The following CNTN4 variants were observed in gnomAD, a reference collection of about 807,000 sequenced individuals.
The protein encoded by CNTN4 is contactin-4.
A neutral mutation model predicts 122.5 loss-of-function variants in CNTN4; 77 were observed. That is an observed-to-expected ratio of 0.63 (90% CI 0.52 to 0.76). The LOEUF is 0.76. CNTN4 is among the 30% of genes least tolerant of loss of function. The pLI, the probability that CNTN4 is intolerant of heterozygous loss-of-function variation, is 0.00. For missense variants in CNTN4, 1,256 were observed against 1,259.1 expected (o/e 1.00, Z 0.04); for synonymous variants, 512 against 447.0 (o/e 1.15, Z -1.83).
At chr3:2,683,563 T>A (rs1223974113) in intron 4 of CNTN4, among the ~76,000 whole-genome samples, 2 of 152,130 alleles carry the variant, frequency 1.3e-5, no homozygotes, top group Non-Finnish European at 2.9e-5. Context: ...ACACTTCGAA[T>A]GTTTTTCCAT....
At chr3:3,028,071 T>C (rs1225712447) in intron 15 of CNTN4, among the ~76,000 whole-genome samples, 6 of 152,160 alleles carry the variant, frequency 3.9e-5, no homozygotes, top group African/African-American at 7.2e-5. Context: ...GACTTGACAA[T>C]AGAAGAGATA....
intron 3 of CNTN4, among the ~76,000 whole-genome samples, chr3:2,430,450 A>G (rs915968612): frequency 2.0e-5 from 3 of 150,916 alleles, no homozygotes; most frequent in Admixed American, 6.6e-5. Flanking sequence ...AAGGAAATGC[A>G]GAAATCACCT....
intron 4 of CNTN4, among the ~76,000 whole-genome samples, chr3:2,679,336 G>C (rs1474031036): frequency 2.0e-5 from 3 of 152,086 alleles, no homozygotes; most frequent in Non-Finnish European, 4.4e-5. Context: ...ATATTGATTT[G>C]TGTCTGGTAT....
intron 4 of CNTN4, among the ~76,000 whole-genome samples, chr3:2,696,501 C>T (rs556297229): frequency 4.6e-5 from 7 of 152,294 alleles, no homozygotes; most frequent in African/African-American, 1.2e-4. Context: ...CCCCTTCAGA[C>T]GACACAGCCT....
intron 6 of CNTN4, among the ~76,000 whole-genome samples, chr3:2,791,698 C>T (rs73807949): frequency 0.032 from 4,928 of 152,220 alleles, 230 homozygotes; most frequent in African/African-American, 0.11. Context: ...GAAATGTGTT[C>T]TTTTACGGTT....
At chr3:2,528,902 G>A (rs2077495861) in intron 3 of CNTN4, among the ~76,000 whole-genome samples, 1 of 151,862 alleles carries the variant, frequency 6.6e-6, no homozygotes, top group African/African-American at 2.4e-5. Flanking sequence ...GATTAAGTTA[G>A]GTTAATGAGC....
intron 14 of CNTN4, among the ~76,000 whole-genome samples, chr3:3,019,815 T>C (rs1405773420): frequency 1.4e-5 from 2 of 147,396 alleles, no homozygotes; most frequent in East Asian, 2.0e-4. Context: ...CATATATATA[T>C]ACATATATAT....
chr3:2,328,675 C>A (rs1381843842), intron 2 of CNTN4, among the ~76,000 whole-genome samples: 2 of 147,332 alleles, frequency 1.4e-5, no homozygotes, highest in Admixed American at 6.8e-5. Context: ...AAAAAAAAAA[C>A]AATAAAAAAT....
At chr3:2,606,564 C>T (rs1342450484) in intron 4 of CNTN4, among the ~76,000 whole-genome samples, 1 of 152,142 alleles carries the variant, frequency 6.6e-6, no homozygotes, top group African/African-American at 2.4e-5. Context: ...GACAACGAAA[C>T]CATTTAGGAA....
chr3:2,815,122 A>G (rs911708607), intron 6 of CNTN4, among the ~76,000 whole-genome samples: 1 of 152,222 alleles, frequency 6.6e-6, no homozygotes, highest in Admixed American at 6.5e-5. Context: ...TAAGACCTGA[A>G]ACTATAAACA....
intron 6 of CNTN4, among the ~76,000 whole-genome samples, chr3:2,805,830 T>C (rs1049705650): frequency 6.6e-6 from 1 of 152,188 alleles, no homozygotes; most frequent in African/African-American, 2.4e-5. Context: ...GGAATGTTGA[T>C]TGGGTGATCA....
chr3:2,991,672 A>G (rs575471075), intron 14 of CNTN4, among the ~76,000 whole-genome samples: 4 of 152,218 alleles, frequency 2.6e-5, no homozygotes, highest in African/African-American at 9.6e-5. Context: ...GAGAAATATA[A>G]TTTAAAAATC....
At chr3:2,169,457 A>C (rs1275148645) in intron 2 of CNTN4, among the ~76,000 whole-genome samples, 1 of 152,154 alleles carries the variant, frequency 6.6e-6, no homozygotes, top group Admixed American at 6.5e-5. Context: ...CTCAGGCTGG[A>C]GTGCGGTGGC....
chr3:2,352,423 G>A (rs1194015806), intron 3 of CNTN4, among the ~76,000 whole-genome samples: 6 of 152,154 alleles, frequency 3.9e-5, no homozygotes, highest in Admixed American at 1.3e-4. Flanking sequence ...CCAGGGCTGC[G>A]CAGCGCTCGC....
intron 2 of CNTN4, among the ~76,000 whole-genome samples, chr3:2,248,728 G>A (rs1343823435): frequency 6.6e-6 from 1 of 151,982 alleles, no homozygotes; most frequent in African/African-American, 2.4e-5. Flanking sequence ...ACTGAAAATA[G>A]CCACTTAGTG....
intron 2 of CNTN4, among the ~76,000 whole-genome samples, chr3:2,169,640 A>T (rs2728522): frequency 3.3e-5 from 5 of 151,288 alleles, no homozygotes; most frequent in Non-Finnish European, 7.4e-5. Flanking sequence ...CTCGTGATCC[A>T]CCCGCCTCCG....
chr3:2,260,588 C>T (rs2040795422), intron 2 of CNTN4, among the ~76,000 whole-genome samples: 1 of 152,084 alleles, frequency 6.6e-6, no homozygotes, highest in Non-Finnish European at 1.5e-5. Flanking sequence ...CTTGTGAAAG[C>T]TCACTCATAC....
At chr3:2,886,971 G>A (rs1222273909) in intron 9 of CNTN4, 69 bp from the exon 10 acceptor site, 5 of 1,340,612 alleles carry the variant, frequency 3.7e-6, no homozygotes, top group Non-Finnish European at 5.2e-6. Flanking sequence ...CAAGAAGGAA[G>A]CGTTTAGGTT....
At chr3:2,384,843 A>G (rs1352271440) in intron 3 of CNTN4, among the ~76,000 whole-genome samples, 1 of 151,668 alleles carries the variant, frequency 6.6e-6, no homozygotes, top group Non-Finnish European at 1.5e-5. Flanking sequence ...ACTAATTTTT[A>G]CCTATCTTTT....
Sources: gnomAD v4.1 joint callset for allele counts (sites outside exome capture counted in the v4.1 genomes callset) on GRCh38, gnomAD v4.1.1 for gene constraint, MANE v1.5 for transcripts, NCBI Gene and HGNC (gene_info 2026-07-23, HGNC 2026-07-21) for gene names.